The following LIMCH1 variants were observed in gnomAD, a reference collection of about 807,000 sequenced individuals.
LIMCH1 encodes the protein LIM and calponin homology domains-containing protein 1.
Under a neutral mutation model 176.5 loss-of-function variants are expected in LIMCH1, and 113 were observed. The observed-to-expected ratio is 0.64, with a 90% CI of 0.55 to 0.75. LIMCH1 has a LOEUF of 0.75. LIMCH1 is among the 30% of genes least tolerant of loss of function. The pLI is 0.00. For missense variants in LIMCH1, 1,674 were observed against 1,814.9 expected (o/e 0.92, Z 1.41); for synonymous variants, 619 against 645.9 (o/e 0.96, Z 0.63).
At chr4:41,444,311 TATACACACACACACACACACAC>T (rs1256696550) in intron 1 of LIMCH1, among the ~76,000 whole-genome samples, 13 of 71,206 alleles carry the variant, frequency 1.8e-4, no homozygotes, top group African/African-American at 1.1e-3. Context: ...TGTGTATATA[TATACACACACACACACACACAC>T]ACACACACAC....
At chr4:41,419,182 A>C (rs368587151) in intron 1 of LIMCH1, among the ~76,000 whole-genome samples, 3 of 78,586 alleles carry the variant, frequency 3.8e-5, no homozygotes, top group East Asian at 2.9e-4. Flanking sequence ...TATTTTATTT[A>C]ATTTTATTAT....
At chr4:41,592,243 T>C (rs905591914) in intron 1 of LIMCH1, among the ~76,000 whole-genome samples, 2 of 152,224 alleles carry the variant, frequency 1.3e-5, no homozygotes, top group South Asian at 4.1e-4. Flanking sequence ...ATTCCTACTC[T>C]CCTTCATGTG....
At chr4:41,417,823 C>T (rs976945337) in intron 1 of LIMCH1, among the ~76,000 whole-genome samples, 1 of 152,028 alleles carries the variant, frequency 6.6e-6, no homozygotes, top group Non-Finnish European at 1.5e-5. Context: ...TGTGCCCAGC[C>T]TCTAGAGGGT....
intron 13 of LIMCH1, among the ~76,000 whole-genome samples, chr4:41,634,267 T>C (rs1444896998): frequency 6.6e-6 from 1 of 152,226 alleles, no homozygotes; most frequent in Non-Finnish European, 1.5e-5. Flanking sequence ...GAGTCAACCA[T>C]GACTTGATGA....
intron 1 of LIMCH1, among the ~76,000 whole-genome samples, chr4:41,447,584 G>A (rs1197532303): frequency 6.6e-6 from 1 of 152,182 alleles, no homozygotes; most frequent in African/African-American, 2.4e-5. Context: ...CAGAACATAT[G>A]TTAATCGTCA....
chr4:41,390,611 T>G (rs1466501504), intron 1 of LIMCH1, among the ~76,000 whole-genome samples: 1 of 152,246 alleles, frequency 6.6e-6, no homozygotes, highest in Non-Finnish European at 1.5e-5. Context: ...TCACTTTATC[T>G]GAAATTAGAA....
intron 21 of LIMCH1, among the ~76,000 whole-genome samples, chr4:41,670,288 T>A (rs2094968927): frequency 6.6e-6 from 1 of 152,236 alleles, no homozygotes; most frequent in Non-Finnish European, 1.5e-5. Context: ...CAGACTTCTA[T>A]ACATAACCTT....
chr4:41,620,384 A>G, intron 6 of LIMCH1, 40 bp from the exon 7 acceptor site: 1 of 1,520,636 alleles, frequency 6.6e-7, no homozygotes, highest in Non-Finnish European at 8.8e-7. Context: ...TCCCCAGCCC[A>G]GTCTGTTAGT....
intron 4 of LIMCH1, among the ~76,000 whole-genome samples, chr4:41,611,664 A>G (rs913763938): frequency 1.3e-5 from 2 of 152,246 alleles, no homozygotes; most frequent in African/African-American, 4.8e-5. Flanking sequence ...AAATAGGGAT[A>G]ATGCTAACCA....
chr4:41,596,048 C>CAAAAAAAA lies in LIMCH1; in HGVS notation c.-240-2866_-240-2859dup, dbSNP rs1452167402. On this transcript the variant is annotated intron_variant, in intron 1 of 31. Coordinates refer to ENST00000503057, the MANE Select transcript of LIMCH1 (RefSeq NM_001330672.2). ...TGGGTGACAGAGTGAGACTCCATCTCAAAAAAAAAAAAATAAAAAAGTTCA... is the reference window on the plus strand; with the variant it reads ...TGGGTGACAGAGTGAGACTCCATCTCAAAAAAAAAAAAAAAAAAAAATAAAAAAGTTCA... 2.0e-5 allele frequency among the ~76,000 whole-genome samples: 2 copies of CAAAAAAAA among 100,670 alleles called. 1 individual carries two copies. The highest frequency in any genetic ancestry group is 1.4e-4 in the African/African-American group (2 of 14,468). The allele number at this position is 100,670 out of a possible 152,430, so 66.0% of individuals were successfully genotyped here. A position where few individuals can be genotyped will look rare whatever the true frequency, so the allele number is the denominator to read the frequency against.
chr4:41,472,931 A>C, intron 1 of LIMCH1: 1 of 692,088 alleles, frequency 1.4e-6, no homozygotes, highest in Non-Finnish European at 1.8e-6. Flanking sequence ...TTAACATCCC[A>C]TGGAGCTAGG....
chr4:41,507,820 G>T (rs2154182450), intron 2 of LIMCH1, among the ~76,000 whole-genome samples: 1 of 144,358 alleles, frequency 6.9e-6, no homozygotes, highest in Middle Eastern at 3.6e-3. Context: ...TTACTGTAAA[G>T]ATGAATGCAT....
intron 1 of LIMCH1, among the ~76,000 whole-genome samples, chr4:41,561,139 C>T (rs546081205): frequency 6.6e-6 from 1 of 152,196 alleles, no homozygotes; most frequent in Non-Finnish European, 1.5e-5. Flanking sequence ...CTGCCAGGCT[C>T]TTTCTGACCT....
chr4:41,592,551 T>C (rs1442017860), intron 1 of LIMCH1, among the ~76,000 whole-genome samples: 1 of 152,224 alleles, frequency 6.6e-6, no homozygotes, highest in Non-Finnish European at 1.5e-5. Context: ...AAACTGTTCT[T>C]CATCATCGCA....
At chr4:41,513,953 C>T (rs140853285) in intron 2 of LIMCH1, among the ~76,000 whole-genome samples, 1,230 of 120,138 alleles carry the variant, frequency 0.01, 16 homozygotes, top group African/African-American at 0.029. Flanking sequence ...TTCCGGTGAG[C>T]GGAGATCGTG....
At chr4:41,369,087 C>T (rs2053558513) in intron 1 of LIMCH1, among the ~76,000 whole-genome samples, 1 of 152,196 alleles carries the variant, frequency 6.6e-6, no homozygotes, top group African/African-American at 2.4e-5. Flanking sequence ...TTATAAACTA[C>T]TAAAGCCAGG....
chr4:41,585,400 A>G (rs1008038247), intron 1 of LIMCH1, among the ~76,000 whole-genome samples: 11 of 152,198 alleles, frequency 7.2e-5, no homozygotes, highest in Non-Finnish European at 1.3e-4. Context: ...TTATAACGCT[A>G]AATACTATTC....
At chr4:41,419,650 C>CG (rs1467372020) in intron 1 of LIMCH1, among the ~76,000 whole-genome samples, 2,340 of 56,034 alleles carry the variant, frequency 0.042, 223 homozygotes, top group African/African-American at 0.18. Flanking sequence ...TCCTTTCTTC[C>CG]TCCTTCCTTC....
At chr4:41,592,558 C>T (rs376400681) in intron 1 of LIMCH1, among the ~76,000 whole-genome samples, 3 of 152,070 alleles carry the variant, frequency 2.0e-5, no homozygotes, top group African/African-American at 7.2e-5. Flanking sequence ...TCTTCATCAT[C>T]GCATCTTCCA....
Sources: allele counts gnomAD v4.1 joint callset (sites outside exome capture counted in the v4.1 genomes callset), GRCh38; gene constraint gnomAD v4.1.1; transcripts MANE v1.5; gene names NCBI Gene and HGNC (gene_info 2026-07-23, HGNC 2026-07-21).